The following GRIN2A variants were observed in gnomAD, a reference collection of about 807,000 sequenced individuals.
GRIN2A encodes the protein glutamate receptor ionotropic, NMDA 2A.
In GRIN2A, 22 loss-of-function variants were observed where a neutral mutation model predicts 113.4. The observed-to-expected ratio is 0.19, with a 90% CI of 0.14 to 0.28. The LOEUF is 0.28. Ranked by LOEUF, GRIN2A falls within the 10% of genes least tolerant of loss-of-function variation. The pLI is 1.00. For synonymous variants in GRIN2A, 827 were observed against 738.4 expected, an observed-to-expected ratio of 1.12 and a Z score of -1.94; for missense variants, 1,502 against 1,887.0, an observed-to-expected ratio of 0.80 and a Z score of 3.78.
chr16:10,058,263 CAAAAAACA>C (rs2047489036), intron 2 of GRIN2A, among the ~76,000 whole-genome samples: 1 of 149,112 alleles, frequency 6.7e-6, no homozygotes, highest in African/African-American at 2.5e-5. Context: ...CAAAAAAAAC[CAAAAAACA>C]AAAAAACCAA....
At chr16:10,034,090 A>T (rs1488606171) in intron 2 of GRIN2A, among the ~76,000 whole-genome samples, 1 of 152,196 alleles carries the variant, frequency 6.6e-6, no homozygotes, top group African/African-American at 2.4e-5. Flanking sequence ...TCCTGATGCC[A>T]GGCGGCCGTG....
chr16:10,113,682 G>T (rs1015010998), intron 2 of GRIN2A, among the ~76,000 whole-genome samples: 2 of 152,122 alleles, frequency 1.3e-5, no homozygotes, highest in African/African-American at 4.8e-5. Context: ...AATAGGTATG[G>T]ATATATTTAT....
chr16:9,949,927 G>A (rs1241211021), intron 2 of GRIN2A, among the ~76,000 whole-genome samples: 1 of 152,148 alleles, frequency 6.6e-6, no homozygotes, highest in East Asian at 1.9e-4. Flanking sequence ...GGATGAACAG[G>A]GGGTGTGAAA....
chr16:9,982,928 C>T (rs1170224876), intron 2 of GRIN2A, among the ~76,000 whole-genome samples: 1 of 152,138 alleles, frequency 6.6e-6, no homozygotes, highest in Non-Finnish European at 1.5e-5. Flanking sequence ...AGGTTGGTTA[C>T]TGTTCTAGGA....
chr16:9,936,995 A>G (rs1460806171), intron 3 of GRIN2A, among the ~76,000 whole-genome samples: 2 of 152,210 alleles, frequency 1.3e-5, no homozygotes, highest in Non-Finnish European at 2.9e-5. Context: ...TCTTAGAATC[A>G]ACCCTAGAAA....
At chr16:9,813,796 G>A (rs569259881) in intron 10 of GRIN2A, among the ~76,000 whole-genome samples, 10 of 152,012 alleles carry the variant, frequency 6.6e-5, no homozygotes, top group African/African-American at 2.2e-4. Flanking sequence ...AGCTTTGTTT[G>A]CAGTGTGGGG....
chr16:10,096,762 C>G (rs1377219871), intron 2 of GRIN2A, among the ~76,000 whole-genome samples: 1 of 152,166 alleles, frequency 6.6e-6, no homozygotes, highest in Non-Finnish European at 1.5e-5. Flanking sequence ...ATACCCCATT[C>G]TCCTTGTACT....
intron 3 of GRIN2A, among the ~76,000 whole-genome samples, chr16:9,924,732 T>C (rs2044423503): frequency 6.6e-6 from 1 of 152,192 alleles, no homozygotes; most frequent in South Asian, 2.1e-4. Context: ...TCTCTAAGAG[T>C]TTCATTTGGG....
intron 4 of GRIN2A, among the ~76,000 whole-genome samples, chr16:9,889,961 C>A (rs2043661319): frequency 6.6e-6 from 1 of 152,136 alleles, no homozygotes. Flanking sequence ...CTTTCCTAAG[C>A]TTCCTCCTCA....
At chr16:9,931,320 T>C (rs2044589818) in intron 3 of GRIN2A, among the ~76,000 whole-genome samples, 1 of 152,168 alleles carries the variant, frequency 6.6e-6, no homozygotes, top group Non-Finnish European at 1.5e-5. Flanking sequence ...ATGATGATGA[T>C]GACCACAATA....
chr16:9,957,947 G>A (rs142382754), intron 2 of GRIN2A, among the ~76,000 whole-genome samples: 145 of 152,246 alleles, frequency 9.5e-4, no homozygotes, highest in African/African-American at 3.4e-3. Context: ...CAAAGAACAC[G>A]GTTGGCTTGT....
intron 2 of GRIN2A, among the ~76,000 whole-genome samples, chr16:9,976,689 C>T (rs940966607): frequency 7.9e-5 from 12 of 152,136 alleles, no homozygotes; most frequent in African/African-American, 2.4e-4. Context: ...AAATGAAAGC[C>T]GGCACTCTAA....
chr16:9,932,077 G>C (rs1434799379), intron 3 of GRIN2A, among the ~76,000 whole-genome samples: 1 of 152,194 alleles, frequency 6.6e-6, no homozygotes, highest in Non-Finnish European at 1.5e-5. Context: ...CTCTTGTTAG[G>C]TGCTGTGCTT....
intron 2 of GRIN2A, among the ~76,000 whole-genome samples, chr16:10,141,427 G>T (rs1020104789): frequency 1.3e-5 from 2 of 152,172 alleles, no homozygotes; most frequent in Non-Finnish European, 2.9e-5. Context: ...GGCAGAGGTT[G>T]CAGTGAGCCG....
chr16:9,954,928 C>T (rs770931679), intron 2 of GRIN2A, among the ~76,000 whole-genome samples: 7 of 152,084 alleles, frequency 4.6e-5, no homozygotes, highest in Non-Finnish European at 1.0e-4. Flanking sequence ...TACCAAGTGG[C>T]GTTAGGCTTA....
intron 4 of GRIN2A, among the ~76,000 whole-genome samples, chr16:9,852,033 A>C (rs1459635553): frequency 6.6e-6 from 1 of 152,230 alleles, no homozygotes; most frequent in Non-Finnish European, 1.5e-5. Flanking sequence ...TTTATATTAT[A>C]ACCTCAATGA....
At chr16:10,019,304 A>T (rs2046672122) in intron 2 of GRIN2A, among the ~76,000 whole-genome samples, 1 of 152,254 alleles carries the variant, frequency 6.6e-6, no homozygotes, top group Admixed American at 6.5e-5. Context: ...ACTGTTTATC[A>T]TTGTTTTATA....
chr16:9,851,508 A>T (rs2042882039), intron 4 of GRIN2A, among the ~76,000 whole-genome samples: 1 of 152,252 alleles, frequency 6.6e-6, no homozygotes, highest in African/African-American at 2.4e-5. Context: ...ACTGTCAGTC[A>T]GTTGTACGAC....
At chr16:9,948,138 C>A (rs1303795255) in intron 2 of GRIN2A, among the ~76,000 whole-genome samples, 1 of 152,188 alleles carries the variant, frequency 6.6e-6, no homozygotes, top group African/African-American at 2.4e-5. Context: ...CTGAATGTTC[C>A]GCTTTGCAGG....
Sources: allele counts gnomAD v4.1 joint callset (sites outside exome capture counted in the v4.1 genomes callset), GRCh38; gene constraint gnomAD v4.1.1; transcripts MANE v1.5; gene names NCBI Gene and HGNC (gene_info 2026-07-23, HGNC 2026-07-21).